The following ABR variants were observed in gnomAD, a reference collection of about 807,000 sequenced individuals.
The protein encoded by ABR is active breakpoint cluster region-related protein.
ABR carries 35 observed loss-of-function variants against 107.2 expected under a neutral mutation model. The observed-to-expected ratio is 0.33, with a 90% CI of 0.25 to 0.43. ABR has a LOEUF of 0.43. Among genes scored for constraint, ABR ranks in the 20% least tolerant of loss-of-function variants. The pLI, the probability that ABR is intolerant of heterozygous loss-of-function variation, is 1.00. For synonymous variants in ABR, 498 were observed against 462.0 expected, an observed-to-expected ratio of 1.08 and a Z score of -1.00; for missense variants, 815 against 1,115.2, an observed-to-expected ratio of 0.73 and a Z score of 3.83.
At chr17:1,044,730 G>A (rs1019509563) in intron 16 of ABR, among the ~76,000 whole-genome samples, 1 of 151,812 alleles carries the variant, frequency 6.6e-6, no homozygotes, top group Non-Finnish European at 1.5e-5. Context: ...GGCCTTGCTT[G>A]CAGCTCCCCG....
intron 1 of ABR, among the ~76,000 whole-genome samples, chr17:1,145,292 C>T (rs1411728715): frequency 1.3e-5 from 2 of 152,202 alleles, no homozygotes; most frequent in Non-Finnish European, 2.9e-5. Context: ...GTCTGGGGGC[C>T]AGGAAGTCCT....
At chr17:1,082,000 C>A (rs2036267651) in intron 5 of ABR, among the ~76,000 whole-genome samples, 2 of 152,084 alleles carry the variant, frequency 1.3e-5, no homozygotes, top group African/African-American at 4.8e-5. Flanking sequence ...TCATCTCCAA[C>A]TGTCAGCTTC....
chr17:1,029,149 G>A (rs906889486), intron 16 of ABR, among the ~76,000 whole-genome samples: 1 of 150,752 alleles, frequency 6.6e-6, no homozygotes, highest in African/African-American at 2.4e-5. Context: ...AAGTAGAAAC[G>A]CGAAGTTCAA....
At chr17:1,227,085 C>G (rs1294739996) in intron 1 of ABR, among the ~76,000 whole-genome samples, 1 of 152,202 alleles carries the variant, frequency 6.6e-6, no homozygotes, top group African/African-American at 2.4e-5. Flanking sequence ...CAGCTCACGT[C>G]TGTAGTCCTG....
intron 16 of ABR, among the ~76,000 whole-genome samples, chr17:1,041,174 T>A (rs2030396132): frequency 6.6e-6 from 1 of 151,966 alleles, no homozygotes; most frequent in African/African-American, 2.4e-5. Context: ...CGCCTCGGCC[T>A]CCTAAAGTGC....
At chr17:1,208,761 G>T (rs1043236162) in intron 1 of ABR, among the ~76,000 whole-genome samples, 3 of 152,000 alleles carry the variant, frequency 2.0e-5, no homozygotes, top group African/African-American at 4.8e-5. Flanking sequence ...GGTGGCGGGC[G>T]CCTGTAGTCC....
rs145688776 is a variant in ABR, at chr17:1,137,525, T to C, written c.62-12158A>G. Among the ~76,000 whole-genome samples, 691 of 152,222 alleles carry C rather than the reference T, an allele frequency of 4.5e-3. 3 individuals carry two copies. The highest frequency in any genetic ancestry group is 0.013 in the African/African-American group (533 of 41,542). On this transcript the variant is annotated intron_variant, in intron 1 of 22. Transcript: ENST00000302538. ...GAACAGCCAGAACACACAACGTTCATAGATGAAGGTTGCCGGGTCCGGTCT... is the reference window on the plus strand; with the variant it reads ...GAACAGCCAGAACACACAACGTTCACAGATGAAGGTTGCCGGGTCCGGTCT...
intron 4 of ABR, among the ~76,000 whole-genome samples, chr17:1,087,325 G>A (rs2036661136): frequency 6.6e-6 from 1 of 152,164 alleles, no homozygotes; most frequent in South Asian, 2.1e-4. Flanking sequence ...GTAGGGGTGG[G>A]GGCAGGCTGG....
intron 12 of ABR, among the ~76,000 whole-genome samples, 166 bp from the exon 13 acceptor site, chr17:1,057,268 T>A (rs2033387169): frequency 6.8e-6 from 1 of 147,580 alleles, no homozygotes; most frequent in African/African-American, 2.5e-5. Flanking sequence ...GTGTAGATGC[T>A]GCGAGAGGGG....
intron 16 of ABR, among the ~76,000 whole-genome samples, chr17:1,026,229 T>C (rs1467975753): frequency 1.3e-5 from 2 of 152,224 alleles, no homozygotes; most frequent in South Asian, 2.1e-4. Context: ...AGCAGTTAAG[T>C]AGCAGACTGA....
chr17:1,206,270 C>T (rs974297488), intron 1 of ABR, among the ~76,000 whole-genome samples: 29 of 152,350 alleles, frequency 1.9e-4, no homozygotes, highest in African/African-American at 6.3e-4. Context: ...GTAACTGCCA[C>T]GTGACTGGGT....
intron 3 of ABR, among the ~76,000 whole-genome samples, chr17:1,095,431 A>G (rs1469069524): frequency 6.6e-6 from 1 of 152,150 alleles, no homozygotes; most frequent in Non-Finnish European, 1.5e-5. Context: ...TTGGCTGGCC[A>G]GGACCCTCGA....
At chr17:1,009,557 T>G in intron 21 of ABR, 122 bp downstream of exon 21, 2 of 767,780 alleles carry the variant, frequency 2.6e-6, no homozygotes, top group Non-Finnish European at 2.2e-6. Flanking sequence ...GGAGGTGGGG[T>G]TGGGGCCACT....
At chr17:1,174,957 C>T (rs985646536) in intron 1 of ABR, among the ~76,000 whole-genome samples, 1 of 152,098 alleles carries the variant, frequency 6.6e-6, no homozygotes, top group Non-Finnish European at 1.5e-5. Context: ...AGTGTCAGAG[C>T]ACACCTCCAC....
chr17:1,176,976 C>T (rs1468465257), intron 1 of ABR, among the ~76,000 whole-genome samples: 1 of 152,146 alleles, frequency 6.6e-6, no homozygotes, highest in Non-Finnish European at 1.5e-5. Context: ...GAACAATGCT[C>T]AGAGAGAGGA....
rs547796048 is a variant in ABR, at chr17:1,058,234, G to C, written c.1306-189C>G. 6.2e-5 allele frequency among the ~76,000 whole-genome samples: 9 copies of C among 144,686 alleles called. No homozygotes were observed. In the East Asian group the frequency reaches 1.9e-3, roughly 31 times the overall value. The allele number at this position is 144,686 out of a possible 152,430, so 94.9% of individuals were successfully genotyped here. A position where few individuals can be genotyped will look rare whatever the true frequency, so the allele number is the denominator to read the frequency against. On this transcript the variant is annotated intron_variant, in intron 11 of 22. Transcript: ENST00000302538. ...GGCTCACTGCAACCTCCACCTCCCG[G>C]GTTCACGCCAATCTCCTGCCTCAGC... is the stretch of plus-strand genomic sequence containing the variant.
chr17:1,019,016 C>A (rs2071417372), intron 16 of ABR, among the ~76,000 whole-genome samples: 2 of 152,178 alleles, frequency 1.3e-5, no homozygotes, highest in South Asian at 4.1e-4. Context: ...AAGTCCATGA[C>A]CCGCAGCTGC....
intron 1 of ABR, among the ~76,000 whole-genome samples, chr17:1,175,907 C>T (rs1487895728): frequency 1.3e-5 from 2 of 151,932 alleles, no homozygotes; most frequent in South Asian, 2.1e-4. Flanking sequence ...CTGGCCAACA[C>T]GGTGAAACCC....
At chr17:1,193,600 A>G (rs555132706) in intron 1 of ABR, among the ~76,000 whole-genome samples, 2 of 106,678 alleles carry the variant, frequency 1.9e-5, no homozygotes, top group East Asian at 4.0e-4. Flanking sequence ...CCCGACATTC[A>G]CTCAGGAAGA....
Sources: allele counts gnomAD v4.1 joint callset (sites outside exome capture counted in the v4.1 genomes callset), GRCh38; gene constraint gnomAD v4.1.1; transcripts MANE v1.5; gene names NCBI Gene and HGNC (gene_info 2026-07-23, HGNC 2026-07-21).